PCDHGB4: variants seen among roughly 807,000 people sequenced by gnomAD.
The protein encoded by PCDHGB4 is protocadherin gamma-B4.
In PCDHGB4, 38 loss-of-function variants were observed where a neutral mutation model predicts 60.5. That is an observed-to-expected ratio of 0.63 (90% CI 0.48 to 0.82). The LOEUF (loss-of-function observed/expected upper bound fraction) is 0.82. Ranked by LOEUF, PCDHGB4 falls within the 40% of genes least tolerant of loss-of-function variation. The probability of loss-of-function intolerance (pLI) is 0.00; values close to 1 mark genes in which losing one functional copy is unlikely to be tolerated. For synonymous variants in PCDHGB4, 456 were observed against 509.7 expected (o/e 0.89, Z 1.42); for missense variants, 1,109 against 1,209.6 (o/e 0.92, Z 1.23).
At position 141,429,997 on chromosome 5, in the gene PCDHGB4, G is replaced by A. The variant is rs536289272; in HGVS notation, c.2397+39716G>A. Among the ~76,000 whole-genome samples, 3 of 152,240 alleles carry A rather than the reference G, an allele frequency of 2.0e-5. No homozygotes were observed. The East Asian group carries it at 5.8e-4, about 29-fold the overall frequency. On this transcript the variant is annotated intron_variant, in intron 1 of 3. Transcript: ENST00000519479. ...TCTACTTTATGCTAAAAATATTAAT[G>A]TTTCTTTTTCACTTGGGTTCTTGTT... is the stretch of plus-strand genomic sequence containing the variant.
intron 1 of PCDHGB4, among the ~76,000 whole-genome samples, chr5:141,482,161 G>A (rs2099554171): frequency 6.6e-6 from 1 of 152,008 alleles, no homozygotes; most frequent in Non-Finnish European, 1.5e-5. Context: ...TCAAAGATAT[G>A]TAAGATTAAG....
Position 141,432,617 on chromosome 5 carries a change from G to T in PCDHGB4, c.2397+42336G>T, listed in dbSNP as rs2097521313. The T allele has an allele frequency of 6.2e-7, 1 of 1,613,578 alleles. No homozygotes were observed. The highest frequency in any genetic ancestry group is 1.3e-5 in the African/African-American group (1 of 74,842). On this transcript the variant is annotated intron_variant, in intron 1 of 3. Coordinates refer to ENST00000519479, the MANE Select transcript of PCDHGB4 (RefSeq NM_003736.4). This position sits in a 1 kb window ranked among gnomAD's most constrained non-coding sequence, Gnocchi z 6.0. ...CAGCGAGCCGGGACTCTTCTCGGTGGGTCTGCACACGGGCGAGGTGCGCAC... is the reference window on the plus strand; with the variant it reads ...CAGCGAGCCGGGACTCTTCTCGGTGTGTCTGCACACGGGCGAGGTGCGCAC...
intron 2 of PCDHGB4, among the ~76,000 whole-genome samples, chr5:141,497,980 G>A (rs983045402): frequency 2.0e-5 from 3 of 152,168 alleles, no homozygotes; most frequent in African/African-American, 7.2e-5. Context: ...GATGTGGGAG[G>A]CCCCTGCCCT....
chr5:141,473,299 G>T (rs182316672), intron 1 of PCDHGB4, among the ~76,000 whole-genome samples: 5 of 152,228 alleles, frequency 3.3e-5, no homozygotes, highest in Admixed American at 1.3e-4. Flanking sequence ...GTAGCATAAA[G>T]ATTGCTATAT....
chr5:141,419,043 A>G (rs1561777660), intron 1 of PCDHGB4: 5 of 1,613,958 alleles, frequency 3.1e-6, no homozygotes. Flanking sequence ...TTTAAGATTC[A>G]TTCTTCTTCT....
At chr5:141,482,840 G>A (rs1343123459) in intron 1 of PCDHGB4, among the ~76,000 whole-genome samples, 2 of 152,212 alleles carry the variant, frequency 1.3e-5, no homozygotes, top group Admixed American at 6.5e-5. Context: ...GGGAGGCCAA[G>A]GTGGGCAGAT....
chr5:141,394,100 A>G (rs370480326), intron 1 of PCDHGB4: 2 of 1,613,942 alleles, frequency 1.2e-6, no homozygotes, highest in Non-Finnish European at 1.7e-6. Context: ...ATCTAGGAAC[A>G]CCACCTCTGT....
chr5:141,418,807 G>A (rs1400599346), intron 1 of PCDHGB4: 2 of 1,613,650 alleles, frequency 1.2e-6, no homozygotes, highest in African/African-American at 1.3e-5. Context: ...AAAGATATAC[G>A]ATAAACATAG....
chr5:141,430,938 C>A, intron 1 of PCDHGB4: 1 of 1,607,082 alleles, frequency 6.2e-7, no homozygotes, highest in Non-Finnish European at 8.5e-7. Context: ...CGGGAGCTCG[C>A]GGAGCGCGGA....
chr5:141,486,083 C>T lies in PCDHGB4; in HGVS notation c.2398-8724C>T, dbSNP rs367657659. On this transcript the variant is annotated intron_variant, in intron 1 of 3. Coordinates refer to ENST00000519479, the MANE Select transcript of PCDHGB4 (RefSeq NM_003736.4). This position sits in a 1 kb window ranked among gnomAD's most constrained non-coding sequence, Gnocchi z 5.0. ...GCACCCCACTACTGGAAAGCTTACTCTTTTGGGGCCCCTAGACTTTGAGAG... is the reference window on the plus strand; with the variant it reads ...GCACCCCACTACTGGAAAGCTTACTTTTTTGGGGCCCCTAGACTTTGAGAG... The T allele has an allele frequency of 1.2e-6, 2 of 1,614,062 alleles. No individual in the cohort carries two copies. Among genetic ancestry groups the T allele is most frequent in the Non-Finnish European group, 1.7e-6 (2 of 1,180,040 alleles).
chr5:141,404,073 G>A lies in PCDHGB4; in HGVS notation c.2397+13792G>A, dbSNP rs746951310. On this transcript the variant is annotated intron_variant, in intron 1 of 3. Transcript: ENST00000519479. The stretch of plus-strand genomic sequence containing the variant: ...ATTCTTCTTTTCAATGCTCATGACC[G>A]AGACTCCGGGAAGAATGGTCAAGTT... The A allele has an allele frequency of 1.5e-5, 24 of 1,613,602 alleles. No individual in the cohort carries two copies. Among genetic ancestry groups the A allele is most frequent in the Non-Finnish European group, 1.9e-5 (22 of 1,179,684 alleles).
intron 1 of PCDHGB4, chr5:141,415,222 G>C (rs2095844564): frequency 1.2e-6 from 2 of 1,613,990 alleles, no homozygotes; most frequent in African/African-American, 2.7e-5. Context: ...CGGCAGCTTC[G>C]AGTCTCCAGC....
chr5:141,469,974 T>C (rs1456176152), intron 1 of PCDHGB4, among the ~76,000 whole-genome samples: 1 of 151,864 alleles, frequency 6.6e-6, no homozygotes, highest in African/African-American at 2.4e-5. Context: ...GTACCAAAAA[T>C]ACAAAAATTA....
chr5:141,456,047 A>G (rs1321504293), intron 1 of PCDHGB4, among the ~76,000 whole-genome samples: 3 of 151,774 alleles, frequency 2.0e-5, no homozygotes, highest in Non-Finnish European at 4.4e-5. Context: ...ACAGGCGCCC[A>G]CCACCACGTC....
intron 1 of PCDHGB4, chr5:141,423,469 C>G: frequency 3.1e-6 from 5 of 1,613,948 alleles, no homozygotes; most frequent in Non-Finnish European, 4.2e-6. Flanking sequence ...GGACGGGGTA[C>G]AGGCTTTCCT....
At chr5:141,437,197 G>A (rs535640562) in intron 1 of PCDHGB4, among the ~76,000 whole-genome samples, 69 of 152,330 alleles carry the variant, frequency 4.5e-4, no homozygotes, top group Non-Finnish European at 7.8e-4. Flanking sequence ...GGGTTTGGAT[G>A]TGTTTACATT....
At position 141,491,098 on chromosome 5, in the gene PCDHGB4, C is replaced by A. The variant is rs1283499077; in HGVS notation, c.2398-3709C>A. ...ACAGTCCACAGCCCCAGGACTGTTC[C>A]TCGTGTCTACACACACTGGTGAGGT... On this transcript the variant is annotated intron_variant, in intron 1 of 3. Coordinates refer to ENST00000519479, the MANE Select transcript of PCDHGB4 (RefSeq NM_003736.4). This position sits in a 1 kb window ranked among gnomAD's most constrained non-coding sequence, Gnocchi z 6.9. 6.2e-7 allele frequency: 1 copy of A among 1,614,216 alleles called. No individual in the cohort carries two copies. Among genetic ancestry groups the A allele is most frequent in the Non-Finnish European group, 8.5e-7 (1 of 1,180,038 alleles).
At chr5:141,466,143 C>T (rs2099117622) in intron 1 of PCDHGB4, among the ~76,000 whole-genome samples, 1 of 151,816 alleles carries the variant, frequency 6.6e-6, no homozygotes, top group Admixed American at 6.6e-5. Flanking sequence ...CAAGTGAAAA[C>T]TCTGGTCTTA....
At chr5:141,430,771 G>A (rs772862341) in intron 1 of PCDHGB4, 37 of 1,506,734 alleles carry the variant, frequency 2.5e-5, no homozygotes, top group Non-Finnish European at 2.7e-5. Flanking sequence ...TGATTCCTGC[G>A]CGACTGCACC....
Sources: gnomAD v4.1 joint callset for allele counts (sites outside exome capture counted in the v4.1 genomes callset) on GRCh38, gnomAD v4.1.1 for gene constraint, Gnocchi (gnomAD v3.1) non-coding constraint, MANE v1.5 for transcripts, NCBI Gene and HGNC (gene_info 2026-07-23, HGNC 2026-07-21) for gene names.